Variants in KCNN2 observed in about 807,000 individuals in gnomAD.
The protein encoded by KCNN2 is potassium calcium-activated channel subfamily N member 2.
KCNN2 carries 24 observed loss-of-function variants against 55.5 expected under a neutral mutation model. The ratio of observed to expected loss-of-function variants is 0.43; its 90% CI spans 0.31 to 0.61. The LOEUF is 0.61. Among genes scored for constraint, KCNN2 ranks in the 20% least tolerant of loss-of-function variants. KCNN2 has a pLI of 0.08. For synonymous variants in KCNN2, 431 were observed against 336.1 expected, an observed-to-expected ratio of 1.28 and a Z score of -3.09; for missense variants, 754 against 853.6, an observed-to-expected ratio of 0.88 and a Z score of 1.45.
At chr5:114,312,424 CACACACACACATATATATATAT>C (rs1281501686) in intron 2 of KCNN2, among the ~76,000 whole-genome samples, 122 of 60,164 alleles carry the variant, frequency 2.0e-3, no homozygotes, top group African/African-American at 5.9e-3. Context: ...CACACACACA[CACACACACACATATATATATAT>C]ATATATATAT....
intron 2 of KCNN2, among the ~76,000 whole-genome samples, chr5:114,377,331 T>C (rs1296008909): frequency 6.6e-6 from 1 of 152,202 alleles, no homozygotes; most frequent in Non-Finnish European, 1.5e-5. Context: ...AGGGACATAT[T>C]GAGGATCCCT....
At chr5:114,180,894 C>G (rs1329879677) in intron 1 of KCNN2, among the ~76,000 whole-genome samples, 3 of 152,158 alleles carry the variant, frequency 2.0e-5, no homozygotes, top group Non-Finnish European at 2.9e-5. Flanking sequence ...ATTATCTACT[C>G]TTTTGTATAA....
intron 1 of KCNN2, among the ~76,000 whole-genome samples, chr5:114,149,653 A>G (rs2112515747): frequency 6.6e-6 from 1 of 152,312 alleles, no homozygotes; most frequent in Non-Finnish European, 1.5e-5. Context: ...GAAGTACAGT[A>G]TACAGAGATT....
intron 2 of KCNN2, among the ~76,000 whole-genome samples, chr5:114,374,562 A>G (rs1757877524): frequency 6.6e-6 from 1 of 152,174 alleles, no homozygotes; most frequent in Admixed American, 6.5e-5. Context: ...TATGACAAGT[A>G]ACATCTCGAA....
chr5:114,312,434 C>CACATATATAT (rs1561566604), intron 2 of KCNN2, among the ~76,000 whole-genome samples: 1 of 23,420 alleles, frequency 4.3e-5, no homozygotes, highest in Admixed American at 5.7e-4. Context: ...CACACACACA[C>CACATATATAT]ATATATATAT....
intron 2 of KCNN2, among the ~76,000 whole-genome samples, chr5:114,334,932 G>GT (rs879301921): frequency 7.6e-4 from 113 of 148,022 alleles, no homozygotes; most frequent in Non-Finnish European, 1.2e-3. Context: ...GCACATTGCA[G>GT]TTTTTTTTTT....
intron 1 of KCNN2, among the ~76,000 whole-genome samples, chr5:114,103,780 T>A (rs1331051458): frequency 6.6e-6 from 1 of 152,188 alleles, no homozygotes; most frequent in Non-Finnish European, 1.5e-5. Flanking sequence ...GAAGCTGACT[T>A]GATGCTGGTG....
At chr5:114,449,999 C>G (rs1244431071) in intron 3 of KCNN2, among the ~76,000 whole-genome samples, 3 of 152,134 alleles carry the variant, frequency 2.0e-5, no homozygotes, top group Non-Finnish European at 4.4e-5. Context: ...ACAACATCAC[C>G]TCACAGCCCT....
At chr5:114,085,971 A>G (rs1751007907) in intron 1 of KCNN2, among the ~76,000 whole-genome samples, 1 of 152,144 alleles carries the variant, frequency 6.6e-6, no homozygotes, top group Non-Finnish European at 1.5e-5. Context: ...TTTTTTCAGC[A>G]TAAAATATCA....
At chr5:114,464,094 G>C (rs1176210100) in intron 4 of KCNN2, among the ~76,000 whole-genome samples, 1 of 152,158 alleles carries the variant, frequency 6.6e-6, no homozygotes, top group Non-Finnish European at 1.5e-5. Context: ...CTTCTGGCAT[G>C]CCTCATAGGC....
intron 1 of KCNN2, among the ~76,000 whole-genome samples, chr5:114,058,772 T>C (rs1750263291): frequency 1.3e-5 from 2 of 152,002 alleles, no homozygotes; most frequent in South Asian, 2.1e-4. Context: ...TTTTAAGCAG[T>C]GAAGAGATGT....
At chr5:114,453,572 TAGA>T (rs1050332775) in intron 3 of KCNN2, among the ~76,000 whole-genome samples, 1 of 152,180 alleles carries the variant, frequency 6.6e-6, no homozygotes, top group African/African-American at 2.4e-5. Flanking sequence ...GTCAAAGAAA[TAGA>T]AGAACACTAT....
chr5:114,091,729 AGGTGGC>A, intron 1 of KCNN2, among the ~76,000 whole-genome samples: 2 of 152,330 alleles, frequency 1.3e-5, no homozygotes, highest in African/African-American at 4.8e-5. Context: ...CTTCTTCACG[AGGTGGC>A]AGGAAGGAGA....
chr5:114,099,134 C>CA (rs761384972), intron 1 of KCNN2, among the ~76,000 whole-genome samples: 3 of 152,004 alleles, frequency 2.0e-5, no homozygotes, highest in Non-Finnish European at 4.4e-5. Context: ...TTTCTTTTGA[C>CA]AAAAAACGTA....
intron 3 of KCNN2, among the ~76,000 whole-genome samples, chr5:114,450,260 G>A (rs1012319879): frequency 1.3e-5 from 2 of 152,204 alleles, no homozygotes; most frequent in African/African-American, 4.8e-5. Context: ...TAGATTAAGT[G>A]TTTTTGAAAA....
At chr5:114,214,942 T>C (rs183449822) in intron 1 of KCNN2, among the ~76,000 whole-genome samples, 1,766 of 152,258 alleles carry the variant, frequency 0.012, 12 homozygotes, top group Non-Finnish European at 0.018. Flanking sequence ...AAACAGGTAG[T>C]ATCATTGGTT....
intron 1 of KCNN2, among the ~76,000 whole-genome samples, chr5:114,081,417 T>A (rs553316371): frequency 6.6e-6 from 1 of 152,134 alleles, no homozygotes; most frequent in Non-Finnish European, 1.5e-5. Flanking sequence ...ATCAAAACAG[T>A]GTAGTACTGG....
chr5:114,419,156 T>C (rs1759396796), intron 3 of KCNN2, among the ~76,000 whole-genome samples: 1 of 152,272 alleles, frequency 6.6e-6, no homozygotes, highest in Non-Finnish European at 1.5e-5. Flanking sequence ...AAATATTCTT[T>C]ATTAGTGTGG....
intron 1 of KCNN2, among the ~76,000 whole-genome samples, chr5:114,150,193 AT>A (rs1356591175): frequency 2.6e-5 from 4 of 152,190 alleles, no homozygotes; most frequent in African/African-American, 9.7e-5. Context: ...TTCGTCTTGT[AT>A]TCCGTAGTAG....
Sources: allele counts gnomAD v4.1 joint callset (sites outside exome capture counted in the v4.1 genomes callset), GRCh38; gene constraint gnomAD v4.1.1; transcripts MANE v1.5; gene names NCBI Gene and HGNC (gene_info 2026-07-23, HGNC 2026-07-21).